Variants in DCTN5 observed in about 807,000 individuals in gnomAD.
The protein encoded by DCTN5 is dynactin 4.
In DCTN5, 14 loss-of-function variants were observed where a neutral mutation model predicts 23.5. The observed-to-expected ratio is 0.60, with a 90% confidence interval of 0.39 to 0.93. DCTN5 has a LOEUF of 0.93. Ranked by LOEUF, DCTN5 falls within the 40% of genes least tolerant of loss-of-function variation. DCTN5 has a pLI of 0.00. For missense variants in DCTN5, 156 were observed against 225.9 expected (o/e 0.69, Z 1.98); for synonymous variants, 67 against 79.6 (o/e 0.84, Z 0.84).
At chr16:23,650,832 AG>A (rs1334990850) in intron 2 of DCTN5, 1 of 1,486,682 alleles carries the variant, frequency 6.7e-7, no homozygotes, top group African/African-American at 1.4e-5. Context: ...AGATCAGATG[AG>A]TCAGTAAGAC....
chr16:23,644,820 T>C (rs1367754343), intron 2 of DCTN5, among the ~76,000 whole-genome samples: 2 of 151,376 alleles, frequency 1.3e-5, no homozygotes, highest in Non-Finnish European at 2.9e-5. Flanking sequence ...TTGAGACAGT[T>C]GCCCAGGCTG....
intron 2 of DCTN5, among the ~76,000 whole-genome samples, chr16:23,651,682 T>A (rs981492384): frequency 1.3e-5 from 2 of 152,150 alleles, no homozygotes; most frequent in Non-Finnish European, 2.9e-5. Context: ...ATGGAGGAAG[T>A]TCATGCTAGA....
At chr16:23,646,942 T>C (rs1294834852) in intron 2 of DCTN5, among the ~76,000 whole-genome samples, 1 of 152,176 alleles carries the variant, frequency 6.6e-6, no homozygotes, top group Non-Finnish European at 1.5e-5. Context: ...AGAAATACAG[T>C]TATCCTGGCA....
At chr16:23,661,484 T>A (rs1434641887) in intron 4 of DCTN5, among the ~76,000 whole-genome samples, 4 of 151,450 alleles carry the variant, frequency 2.6e-5, no homozygotes, top group African/African-American at 9.7e-5. Flanking sequence ...TTTGGGAGGT[T>A]GAAGTGGGCA....
chr16:23,658,442 C>G, intron 2 of DCTN5, 65 bp from the exon 3 acceptor site: 1 of 1,019,224 alleles, frequency 9.8e-7, no homozygotes, highest in Admixed American at 1.7e-5. Flanking sequence ...ATCTCGTTAT[C>G]TACTCTTTTT....
chr16:23,647,682 ATTT>A (rs1245263171), intron 2 of DCTN5, among the ~76,000 whole-genome samples: 5 of 149,138 alleles, frequency 3.4e-5, no homozygotes, highest in Middle Eastern at 3.3e-3. Context: ...TAATTTTTGT[ATTT>A]TTAGTAGAGA....
chr16:23,656,433 T>C (rs1278639401), intron 2 of DCTN5, among the ~76,000 whole-genome samples: 1 of 152,164 alleles, frequency 6.6e-6, no homozygotes, highest in Non-Finnish European at 1.5e-5. Context: ...CTTAAGTCTC[T>C]TTTAATCTGT....
chr16:23,651,412 T>C (rs768140151), intron 2 of DCTN5, among the ~76,000 whole-genome samples: 75 of 152,278 alleles, frequency 4.9e-4, no homozygotes, highest in Admixed American at 2.4e-3. Context: ...CCACCTGTGA[T>C]ACAATTTACT....
intron 1 of DCTN5, among the ~76,000 whole-genome samples, chr16:23,642,034 C>T (rs1436081673): frequency 3.9e-5 from 6 of 152,124 alleles, no homozygotes; most frequent in African/African-American, 1.4e-4. Flanking sequence ...CGGGTTCAAG[C>T]GATTCTCCTG....
rs1395925878 is a variant in DCTN5, at chr16:23,667,357, C to T, written c.*213C>T. 4 of 594,274 alleles carry T rather than the reference C, an allele frequency of 6.7e-6. No individual in the cohort carries two copies. The highest frequency in any genetic ancestry group is 1.9e-5 in the African/African-American group (1 of 53,794). The allele number at this position is 594,274 out of a possible 1,614,324, so 36.8% of individuals were successfully genotyped here. A position where few individuals can be genotyped will look rare whatever the true frequency, so the allele number is the denominator to read the frequency against. On this transcript the variant is annotated 3_prime_UTR_variant, in exon 6 of 6. Transcript: ENST00000300087. ...CATCTGGAGGAGCTGTCTTCAAATG[C>T]TGTGCTTACACCTTATCTATGAACA...
At chr16:23,653,643 C>A (rs1967645048) in intron 2 of DCTN5, among the ~76,000 whole-genome samples, 1 of 152,098 alleles carries the variant, frequency 6.6e-6, no homozygotes, top group Admixed American at 6.6e-5. Flanking sequence ...TAGGTACAGG[C>A]AAAGATTTCA....
chr16:23,648,337 CTTTTTTCTTTTTTTTTTTT>C (rs1967515797), intron 2 of DCTN5, among the ~76,000 whole-genome samples: 1 of 131,190 alleles, frequency 7.6e-6, no homozygotes, highest in Non-Finnish European at 1.6e-5. Flanking sequence ...ATTTTTTTTT[CTTTTTTCTTTTTTTTTTTT>C]TTTTTTTTTT....
At chr16:23,660,177 A>G (rs1206874983) in intron 3 of DCTN5, among the ~76,000 whole-genome samples, 1 of 152,250 alleles carries the variant, frequency 6.6e-6, no homozygotes, top group Admixed American at 6.5e-5. Flanking sequence ...CACAAGAGGT[A>G]CAGACCAAAA....
chr16:23,665,748 A>C lies in DCTN5; in HGVS notation c.451+20A>C, dbSNP rs1967894755. On this transcript the variant is annotated intron_variant, in intron 5 of 5. Transcript: ENST00000300087. ...GCCCAGGTAACCTTGGCTGTTGATT[A>C]ATTTTATTTTAACTTCCTAAAACTC... The C allele has an allele frequency of 7.5e-6, 12 of 1,593,562 alleles. No homozygotes were observed. Among genetic ancestry groups the C allele is most frequent in the Non-Finnish European group, 1.0e-5 (12 of 1,166,296 alleles).
chr16:23,645,129 A>G (rs1645868), intron 2 of DCTN5, among the ~76,000 whole-genome samples: 1 of 23,794 alleles, frequency 4.2e-5, no homozygotes, highest in Non-Finnish European at 7.2e-5. Flanking sequence ...ATATATATAT[A>G]TATATATATT....
chr16:23,676,719 CTAA>C lies in DCTN5; in HGVS notation c.*9583_*9585del, dbSNP rs916671045. ...TCTCACCCTTTTGCATGTGGTCCTA[CTAA>C]TAATAATTTTGCTGTAAAGAAGCCT... On this transcript the variant is annotated 3_prime_UTR_variant, in exon 6 of 6. Transcript: ENST00000300087. 2.0e-5 allele frequency: 3 copies of C among 152,148 alleles called. No individual in the cohort carries two copies. The highest frequency in any genetic ancestry group is 7.2e-5 in the African/African-American group (3 of 41,416). The allele number at this position is 152,148 out of a possible 1,614,324, so 9.4% of individuals were successfully genotyped here. A position where few individuals can be genotyped will look rare whatever the true frequency, so the allele number is the denominator to read the frequency against.
Position 23,674,597 on chromosome 16 carries a change from G to A in DCTN5, c.*7453G>A, listed in dbSNP as rs1367150260. On this transcript the variant is annotated 3_prime_UTR_variant, in exon 6 of 6. Transcript: ENST00000300087. ...TCTCCCAGCACACACAGCTTAGTAA[G>A]GTAGGTGGATTATTAAAACGTAGCT... 6 of 152,172 alleles carry A rather than the reference G, an allele frequency of 3.9e-5. No individual in the cohort carries two copies. Among genetic ancestry groups the A allele is most frequent in the African/African-American group, 9.7e-5 (4 of 41,446 alleles). The allele number at this position is 152,172 out of a possible 1,614,324, so 9.4% of individuals were successfully genotyped here. A position where few individuals can be genotyped will look rare whatever the true frequency, so the allele number is the denominator to read the frequency against.
intron 2 of DCTN5, among the ~76,000 whole-genome samples, chr16:23,656,489 A>G (rs1967706503): frequency 6.6e-6 from 1 of 152,108 alleles, no homozygotes; most frequent in Non-Finnish European, 1.5e-5. Context: ...TGCCATTTAT[A>G]TATTGCAGAA....
intron 2 of DCTN5, among the ~76,000 whole-genome samples, chr16:23,650,253 T>C (rs1459655465): frequency 6.6e-6 from 1 of 152,348 alleles, no homozygotes; most frequent in East Asian, 1.9e-4. Context: ...TTGTTAAGAT[T>C]GCATTGAGTC....
Sources: allele counts gnomAD v4.1 joint callset (sites outside exome capture counted in the v4.1 genomes callset), GRCh38; gene constraint gnomAD v4.1.1; transcripts MANE v1.5; gene names NCBI Gene and HGNC (gene_info 2026-07-23, HGNC 2026-07-21).